The following UBE2D3 variants were observed in gnomAD, a reference collection of about 807,000 sequenced individuals.
The protein encoded by UBE2D3 is ubiquitin conjugating enzyme E2 D3.
In UBE2D3, 2 loss-of-function variants were observed where a neutral mutation model predicts 22.8. The observed-to-expected ratio is 0.09, with a 90% CI of 0.04 to 0.28. The LOEUF is 0.28. Ranked by LOEUF, UBE2D3 falls within the 10% of genes least tolerant of loss-of-function variation. The pLI is 1.00. For synonymous variants in UBE2D3, 56 were observed against 60.4 expected, an observed-to-expected ratio of 0.93 and a Z score of 0.34; for missense variants, 27 against 182.5, an observed-to-expected ratio of 0.15 and a Z score of 4.91.
chr4:102,826,959 G>A (rs752182535), intron 1 of UBE2D3: 2 of 1,001,996 alleles, frequency 2.0e-6, no homozygotes, highest in Non-Finnish European at 2.4e-6. Flanking sequence ...GCGCTATACC[G>A]GCGTCACTAG....
chr4:102,822,485 C>T (rs1729769380), intron 2 of UBE2D3, among the ~76,000 whole-genome samples: 1 of 152,182 alleles, frequency 6.6e-6, no homozygotes, highest in South Asian at 2.1e-4. Context: ...GAATTAAATC[C>T]ACTTCTACTT....
rs183656967 is a variant in UBE2D3, at chr4:102,795,488, T to C, written c.*1927A>G. On this transcript the variant is annotated 3_prime_UTR_variant, in exon 8 of 8. Coordinates refer to ENST00000453744, the MANE Select transcript of UBE2D3 (RefSeq NM_181891.3). ...ATTTGAATCCAAAAAAGTTATGCAG[T>C]ATGACATCTACCCTGAAGGAGCCGT... 2.0e-5 allele frequency: 3 copies of C among 152,200 alleles called. No homozygotes were observed. 9.4% of individuals were successfully genotyped at this position (152,200 alleles called of 1,614,324 possible).
chr4:102,819,329 C>CA (rs762178343), intron 2 of UBE2D3, among the ~76,000 whole-genome samples: 12,636 of 85,262 alleles, frequency 0.15, 1,123 homozygotes, highest in African/African-American at 0.32. Context: ...GACTCCGCCT[C>CA]AAAAAAAAAA....
At chr4:102,809,571 A>T in intron 4 of UBE2D3, 101 bp downstream of exon 4, 1 of 1,204,332 alleles carries the variant, frequency 8.3e-7, no homozygotes, top group Non-Finnish European at 1.2e-6. Flanking sequence ...AAATAGAATT[A>T]ACTATATGAT....
chr4:102,859,665 T>C (rs1732786368), intron 1 of UBE2D3, among the ~76,000 whole-genome samples: 1 of 151,664 alleles, frequency 6.6e-6, no homozygotes, highest in African/African-American at 2.4e-5. Context: ...ATAATGCGCA[T>C]ATTGGTTTAG....
At chr4:102,848,755 G>T (rs1732176003) in intron 1 of UBE2D3, among the ~76,000 whole-genome samples, 1 of 151,768 alleles carries the variant, frequency 6.6e-6, no homozygotes, top group South Asian at 2.1e-4. Flanking sequence ...GGAGGTTGAG[G>T]CTGCAGTGAG....
intron 4 of UBE2D3, among the ~76,000 whole-genome samples, chr4:102,802,947 C>G (rs879705510): frequency 1.3e-5 from 2 of 152,156 alleles, no homozygotes; most frequent in Non-Finnish European, 2.9e-5. Flanking sequence ...CCTACATAAT[C>G]ATGTTTCAGA....
In UBE2D3 at chr4:102,820,196, A is replaced by G. The variant is rs148596087; in HGVS notation, c.24+6289T>C. On this transcript the variant is annotated intron_variant, in intron 2 of 7. Coordinates refer to ENST00000453744, the MANE Select transcript of UBE2D3 (RefSeq NM_181891.3). ...CCATCAGGCAGACAGTAACTACTGT[A>G]ACTGTTCATATAAAGATCTGGTTTA... 4.1e-3 allele frequency among the ~76,000 whole-genome samples: 618 copies of G among 152,354 alleles called. 3 individuals are homozygous for G. The highest frequency in any genetic ancestry group is 0.014 in the African/African-American group (572 of 41,578).
chr4:102,815,604 T>C (rs1728676576), intron 2 of UBE2D3, among the ~76,000 whole-genome samples: 1 of 152,206 alleles, frequency 6.6e-6, no homozygotes, highest in Non-Finnish European at 1.5e-5. Context: ...AGCCTTTAAA[T>C]GCTAGCATTA....
At chr4:102,835,215 C>T (rs1731328760) in intron 1 of UBE2D3, among the ~76,000 whole-genome samples, 2 of 152,200 alleles carry the variant, frequency 1.3e-5, no homozygotes, top group African/African-American at 4.8e-5. Flanking sequence ...CCAAAATACA[C>T]ATTTTTAATT....
intron 1 of UBE2D3, chr4:102,827,146 C>T: frequency 6.1e-6 from 6 of 986,884 alleles, no homozygotes; most frequent in Non-Finnish European, 7.2e-6. Flanking sequence ...CGCCACCGTA[C>T]ACTCACTCCG....
rs1325217672 is a variant in UBE2D3, at chr4:102,802,700, ATT to A, written c.121-64_121-63del. 6.0e-6 allele frequency: 8 copies of A among 1,331,850 alleles called. No homozygotes were observed. The African/African-American group carries it at 7.4e-5, about 12-fold the overall frequency. 82.5% of individuals were successfully genotyped at this position (1,331,850 alleles called of 1,614,324 possible). On this transcript the variant is annotated intron_variant, in intron 4 of 7. Coordinates refer to ENST00000453744, the MANE Select transcript of UBE2D3 (RefSeq NM_181891.3). ...ATATTATTGCTAAATATTCCGTAACATTTGTTTCCAAGCATTTCTCTAATAAT... is the reference window on the plus strand; with the variant it reads ...ATATTATTGCTAAATATTCCGTAACATGTTTCCAAGCATTTCTCTAATAAT...
intron 2 of UBE2D3, among the ~76,000 whole-genome samples, chr4:102,814,741 C>T (rs372636478): frequency 3.6e-4 from 55 of 152,172 alleles, no homozygotes; most frequent in African/African-American, 1.3e-3. Context: ...CATCCTGAAC[C>T]AAGATTCCTG....
intron 4 of UBE2D3, among the ~76,000 whole-genome samples, chr4:102,808,245 G>T (rs1303577006): frequency 6.6e-6 from 1 of 152,148 alleles, no homozygotes; most frequent in Admixed American, 6.6e-5. Context: ...TGGAATGTGG[G>T]CCTACTCAGA....
intron 2 of UBE2D3, chr4:102,811,754 C>T (rs576696387): frequency 8.3e-5 from 37 of 443,150 alleles, no homozygotes; most frequent in Non-Finnish European, 1.6e-4. Context: ...GAAAGGATGC[C>T]TAAATAAAAA....
At chr4:102,823,184 C>T (rs1385205394) in intron 2 of UBE2D3, among the ~76,000 whole-genome samples, 1 of 152,058 alleles carries the variant, frequency 6.6e-6, no homozygotes, top group Admixed American at 6.6e-5. Context: ...CAAAAGTAAA[C>T]CGTTCTGAAT....
chr4:102,839,846 GAGA>G (rs1731642684), intron 1 of UBE2D3, among the ~76,000 whole-genome samples: 1 of 152,326 alleles, frequency 6.6e-6, no homozygotes, highest in East Asian at 1.9e-4. Flanking sequence ...GCAGAGTGAA[GAGA>G]TAACCTGTTG....
chr4:102,806,083 A>C (rs1726988382), intron 4 of UBE2D3, among the ~76,000 whole-genome samples: 1 of 152,186 alleles, frequency 6.6e-6, no homozygotes, highest in South Asian at 2.1e-4. Flanking sequence ...CCTAATGATA[A>C]AGTGGTCTTT....
upstream of UBE2D3, chr4:102,828,262 T>TA (rs1197952787): frequency 9.1e-6 from 9 of 985,176 alleles, no homozygotes; most frequent in African/African-American, 1.2e-4. Flanking sequence ...AAGGATTAAT[T>TA]ACCAGATACC....
Sources: allele counts gnomAD v4.1 joint callset (sites outside exome capture counted in the v4.1 genomes callset), GRCh38; gene constraint gnomAD v4.1.1; transcripts MANE v1.5; gene names NCBI Gene and HGNC (gene_info 2026-07-23, HGNC 2026-07-21).